The following CRPPA variants were observed in gnomAD, a reference collection of about 807,000 sequenced individuals.
CRPPA encodes D-ribitol-5-phosphate cytidylyltransferase.
Under a neutral mutation model 52.0 loss-of-function variants are expected in CRPPA, and 43 were observed. The observed-to-expected ratio is 0.83, with a 90% CI of 0.65 to 1.07. CRPPA has a LOEUF of 1.07. Among genes scored for constraint, CRPPA ranks in the 50% least tolerant of loss-of-function variants. The pLI is 0.00. For missense variants in CRPPA, 629 were observed against 551.7 expected (o/e 1.14, Z -1.40); for synonymous variants, 250 against 203.5 (o/e 1.23, Z -1.94).
rs1452933730 is a variant in CRPPA at position 16,205,617 on chromosome 7, T to G, written c.1251+10449A>C. ...TAGAAACCTTATGTAACCATTTTCA[T>G]CTAAAAAGTCAGACTCAAGGATCAT... On this transcript the variant is annotated intron_variant, in intron 9 of 9. Transcript: ENST00000407010. 2.0e-5 allele frequency among the ~76,000 whole-genome samples: 3 copies of G among 152,130 alleles called. No homozygotes were observed. In the East Asian group the frequency reaches 5.8e-4, roughly 29 times the overall value.
Position 16,417,577 on chromosome 7 carries a change from C to G in CRPPA, c.257+3489G>C, listed in dbSNP as rs74893209. The stretch of plus-strand genomic sequence containing the variant: ...TACCACAAGTTCTCCTAAGACGGAG[C>G]TAAACAATGGGTACTCATGGACATA... On this transcript the variant is annotated intron_variant, in intron 1 of 9. Transcript: ENST00000407010. 5.2e-3 allele frequency among the ~76,000 whole-genome samples: 785 copies of G among 152,168 alleles called. 6 individuals carry two copies. Among genetic ancestry groups the G allele is most frequent in the African/African-American group, 0.018 (764 of 41,500 alleles).
intron 2 of CRPPA, among the ~76,000 whole-genome samples, chr7:16,396,000 T>C (rs1015331275): frequency 2.0e-5 from 3 of 152,208 alleles, no homozygotes; most frequent in African/African-American, 7.2e-5. Flanking sequence ...CAGTCCTTGG[T>C]CCAGGCAATT....
intron 1 of CRPPA, among the ~76,000 whole-genome samples, chr7:16,416,523 G>C (rs945693230): frequency 6.6e-6 from 1 of 152,148 alleles, no homozygotes; most frequent in African/African-American, 2.4e-5. Flanking sequence ...ACAACTGAGA[G>C]AAAATTAAAC....
At chr7:16,334,193 A>C (rs1457316821) in intron 3 of CRPPA, among the ~76,000 whole-genome samples, 1 of 152,144 alleles carries the variant, frequency 6.6e-6, no homozygotes, top group African/African-American at 2.4e-5. Flanking sequence ...CCCATCTGAA[A>C]TCCTTAGGCA....
chr7:16,268,740 C>T (rs975761082), intron 6 of CRPPA: 3 of 152,110 alleles, frequency 2.0e-5, no homozygotes, highest in Non-Finnish European at 4.4e-5. Context: ...TAGAATCTTA[C>T]GGTAGAGTCT....
intron 8 of CRPPA, among the ~76,000 whole-genome samples, chr7:16,219,214 G>C (rs1782429109): frequency 6.6e-6 from 1 of 151,426 alleles, no homozygotes; most frequent in Non-Finnish European, 1.5e-5. Context: ...ACGAAATGAA[G>C]GCAGAAATAA....
intron 4 of CRPPA, 107 bp downstream of exon 4, chr7:16,308,416 T>C (rs1248299279): frequency 1.1e-4 from 70 of 658,976 alleles, no homozygotes; most frequent in Middle Eastern, 2.5e-4. Flanking sequence ...AGTAAACCCG[T>C]GAGACTCCCT....
intron 9 of CRPPA, among the ~76,000 whole-genome samples, chr7:16,100,807 T>C (rs1782029548): frequency 1.3e-5 from 2 of 152,218 alleles, no homozygotes; most frequent in African/African-American, 4.8e-5. Flanking sequence ...GTAGCTCTTA[T>C]TATTTTGAGA....
At chr7:16,121,991 A>G (rs1388990069) in intron 9 of CRPPA, among the ~76,000 whole-genome samples, 1 of 152,106 alleles carries the variant, frequency 6.6e-6, no homozygotes, top group Non-Finnish European at 1.5e-5. Context: ...TTGCTCCAGC[A>G]TTATAATAAA....
At chr7:16,157,352 T>C (rs938592009) in intron 9 of CRPPA, among the ~76,000 whole-genome samples, 1 of 152,170 alleles carries the variant, frequency 6.6e-6, no homozygotes, top group African/African-American at 2.4e-5. Context: ...ACAATATGAT[T>C]CTGCAACAAG....
intron 9 of CRPPA, among the ~76,000 whole-genome samples, chr7:16,159,579 G>T (rs1439168196): frequency 6.6e-6 from 1 of 152,146 alleles, no homozygotes; most frequent in African/African-American, 2.4e-5. Flanking sequence ...TGGTATATAT[G>T]CACAACATTT....
chr7:16,299,158 C>T (rs1179076573), intron 5 of CRPPA, among the ~76,000 whole-genome samples: 8 of 152,150 alleles, frequency 5.3e-5, no homozygotes, highest in Non-Finnish European at 1.2e-4. Context: ...ATACAGCTCT[C>T]ATAGTAGGCT....
At chr7:16,220,289 T>C (rs1782462658) in intron 8 of CRPPA, among the ~76,000 whole-genome samples, 1 of 78,450 alleles carries the variant, frequency 1.3e-5, no homozygotes. Context: ...TGATGGGACG[T>C]ATTTCAAAAT....
intron 3 of CRPPA, among the ~76,000 whole-genome samples, chr7:16,359,982 G>C (rs1786399610): frequency 6.6e-6 from 1 of 152,084 alleles, no homozygotes; most frequent in Non-Finnish European, 1.5e-5. Flanking sequence ...CCCCACTCTA[G>C]CCTCTGCTTC....
At chr7:16,347,544 G>C (rs1011314859) in intron 3 of CRPPA, among the ~76,000 whole-genome samples, 3 of 152,108 alleles carry the variant, frequency 2.0e-5, no homozygotes, top group African/African-American at 7.2e-5. Context: ...GAAGCAGTCA[G>C]GGATAGGAGA....
At chr7:16,322,754 G>C (rs938785953) in intron 3 of CRPPA, among the ~76,000 whole-genome samples, 1 of 152,066 alleles carries the variant, frequency 6.6e-6, no homozygotes, top group Non-Finnish European at 1.5e-5. Context: ...TTCCACAACC[G>C]TATATTGGGT....
chr7:16,367,895 T>C (rs1786646429), intron 3 of CRPPA, among the ~76,000 whole-genome samples: 1 of 152,142 alleles, frequency 6.6e-6, no homozygotes, highest in South Asian at 2.1e-4. Flanking sequence ...CATCGTCAAG[T>C]CTAAGAAATC....
intron 3 of CRPPA, among the ~76,000 whole-genome samples, chr7:16,317,170 G>A (rs1178201135): frequency 6.6e-6 from 1 of 152,212 alleles, no homozygotes; most frequent in East Asian, 1.9e-4. Flanking sequence ...AAATAGACTT[G>A]GGTTCCAACC....
At chr7:16,288,165 C>A (rs1449706577) in intron 5 of CRPPA, among the ~76,000 whole-genome samples, 1 of 151,786 alleles carries the variant, frequency 6.6e-6, no homozygotes, top group Non-Finnish European at 1.5e-5. Flanking sequence ...TGTTATGGCA[C>A]CACAGGCAGA....
Sources: gnomAD v4.1 joint callset for allele counts (sites outside exome capture counted in the v4.1 genomes callset) on GRCh38, gnomAD v4.1.1 for gene constraint, MANE v1.5 for transcripts, NCBI Gene and HGNC (gene_info 2026-07-23, HGNC 2026-07-21) for gene names.